The following PREP variants were observed in gnomAD, a reference collection of about 807,000 sequenced individuals.
The protein encoded by PREP is dJ355L5.1 (prolyl endopeptidase).
In PREP, 29 loss-of-function variants were observed where a neutral mutation model predicts 87.6. The observed-to-expected ratio is 0.33, with a 90% CI of 0.25 to 0.45. The LOEUF is 0.45. Ranked by LOEUF, PREP falls within the 20% of genes least tolerant of loss-of-function variation. The pLI, the probability that PREP is intolerant of heterozygous loss-of-function variation, is 1.00. For missense variants in PREP, 695 were observed against 886.5 expected (o/e 0.78, Z 2.74); for synonymous variants, 337 against 328.6 (o/e 1.03, Z -0.28).
chr6:105,369,409 T>C (rs1029990191), intron 5 of PREP, among the ~76,000 whole-genome samples: 2 of 152,244 alleles, frequency 1.3e-5, no homozygotes, highest in Non-Finnish European at 2.9e-5. Context: ...ACAGATTTAA[T>C]GAAATCCCAA....
intron 10 of PREP, among the ~76,000 whole-genome samples, chr6:105,309,122 G>C (rs978414707): frequency 9.2e-5 from 14 of 152,096 alleles, no homozygotes; most frequent in Non-Finnish European, 1.9e-4. Context: ...GTGAGGGAGA[G>C]GGCAGGGGCC....
At chr6:105,356,818 A>G (rs527877442) in intron 6 of PREP, among the ~76,000 whole-genome samples, 2 of 152,360 alleles carry the variant, frequency 1.3e-5, no homozygotes, top group Admixed American at 6.5e-5. Flanking sequence ...CATCATGTCC[A>G]GAAGCAAAAA....
intron 7 of PREP, among the ~76,000 whole-genome samples, chr6:105,334,282 C>A (rs1317885908): frequency 6.6e-6 from 1 of 152,256 alleles, no homozygotes; most frequent in Non-Finnish European, 1.5e-5. Context: ...ACTTAGCCAA[C>A]TGCAGATGGT....
chr6:105,297,398 A>C (rs1770432142), intron 10 of PREP, among the ~76,000 whole-genome samples: 1 of 152,218 alleles, frequency 6.6e-6, no homozygotes, highest in Non-Finnish European at 1.5e-5. Flanking sequence ...TCTATATAAC[A>C]GCCATTAGTG....
At chr6:105,318,558 T>C (rs1384944932) in intron 10 of PREP, among the ~76,000 whole-genome samples, 1 of 152,178 alleles carries the variant, frequency 6.6e-6, no homozygotes, top group Non-Finnish European at 1.5e-5. Context: ...ACTCTGAATA[T>C]GAACACTACG....
At chr6:105,279,050 C>T (rs1373388163) in intron 14 of PREP, 1 of 152,054 alleles carries the variant, frequency 6.6e-6, no homozygotes, top group African/African-American at 2.4e-5. Context: ...GAGGAGGGCA[C>T]CTTCCGAAGT....
At chr6:105,372,600 GAAC>G (rs1772589828) in intron 5 of PREP, among the ~76,000 whole-genome samples, 1 of 152,108 alleles carries the variant, frequency 6.6e-6, no homozygotes. Context: ...TTAAAGAGAA[GAAC>G]AATAAAGGTG....
intron 10 of PREP, among the ~76,000 whole-genome samples, chr6:105,291,866 C>G (rs1770303821): frequency 6.6e-6 from 1 of 152,180 alleles, no homozygotes; most frequent in Admixed American, 6.5e-5. Flanking sequence ...CCTTTGTTGT[C>G]ATTTTAACAA....
At chr6:105,305,716 C>CT (rs1770640356) in intron 10 of PREP, among the ~76,000 whole-genome samples, 1 of 152,114 alleles carries the variant, frequency 6.6e-6, no homozygotes, top group South Asian at 2.1e-4. Flanking sequence ...TCATATATAT[C>CT]TTTTTTGACA....
At chr6:105,302,970 A>G in intron 10 of PREP, 1 of 189,158 alleles carries the variant, frequency 5.3e-6, no homozygotes, top group South Asian at 8.8e-5. Context: ...GCCTGCCTGC[A>G]CAGGGGCCTT....
chr6:105,308,863 G>A (rs1770702471), intron 10 of PREP, among the ~76,000 whole-genome samples: 1 of 152,128 alleles, frequency 6.6e-6, no homozygotes, highest in Non-Finnish European at 1.5e-5. Context: ...GTCAGCTGGT[G>A]ATGAGTGCAA....
intron 2 of PREP, among the ~76,000 whole-genome samples, chr6:105,395,892 T>A (rs1457541491): frequency 6.6e-6 from 1 of 152,246 alleles, no homozygotes. Context: ...TCCCTGGTGC[T>A]TTCTAGCCAG....
At chr6:105,341,963 G>A (rs6906349) in intron 7 of PREP, among the ~76,000 whole-genome samples, 19,075 of 152,138 alleles carry the variant, frequency 0.13, 2,025 homozygotes, top group African/African-American at 0.29. Flanking sequence ...GTACAAAGAG[G>A]AGCTGGTACC....
At chr6:105,335,086 T>TC (rs1399412994) in intron 7 of PREP, among the ~76,000 whole-genome samples, 1 of 152,180 alleles carries the variant, frequency 6.6e-6, no homozygotes, top group Non-Finnish European at 1.5e-5. Flanking sequence ...AAGTAAATCT[T>TC]CAATACGTCC....
At chr6:105,294,050 G>C (rs1301777565) in intron 10 of PREP, among the ~76,000 whole-genome samples, 1 of 152,100 alleles carries the variant, frequency 6.6e-6, no homozygotes, top group Non-Finnish European at 1.5e-5. Flanking sequence ...AATTTGCTGG[G>C]TCAGGAGAAG....
chr6:105,294,161 T>A (rs1770359327), intron 10 of PREP, among the ~76,000 whole-genome samples: 1 of 152,228 alleles, frequency 6.6e-6, no homozygotes, highest in African/African-American at 2.4e-5. Flanking sequence ...TGACTGGGCC[T>A]ACATATCTGT....
rs935343202 is a variant in PREP at position 105,274,302 on chromosome 6, G to T, written c.*3842C>A. On this transcript the variant is annotated 3_prime_UTR_variant, in exon 15 of 15. Transcript: ENST00000652536. ...ACATGGTGGAAGGGATGGGGCGGGG[G>T]GGTCTCTCCTTGGGCTCTAATATAA... 6.6e-6 allele frequency among the ~76,000 whole-genome samples: 1 copy of T among 151,934 alleles called. No homozygotes were observed. The highest frequency in any genetic ancestry group is 1.5e-5 in the Non-Finnish European group (1 of 67,992).
At chr6:105,323,463 T>G (rs1287902586) in intron 10 of PREP, among the ~76,000 whole-genome samples, 1 of 152,140 alleles carries the variant, frequency 6.6e-6, no homozygotes. Flanking sequence ...GAGCAGAACC[T>G]GCAGGCTATG....
chr6:105,362,432 G>A (rs1434213139), intron 6 of PREP, among the ~76,000 whole-genome samples: 1 of 152,230 alleles, frequency 6.6e-6, no homozygotes, highest in Non-Finnish European at 1.5e-5. Context: ...CTGCACTCCA[G>A]CCTGGGCGAC....
Sources: allele counts gnomAD v4.1 joint callset (sites outside exome capture counted in the v4.1 genomes callset), GRCh38; gene constraint gnomAD v4.1.1; transcripts MANE v1.5; gene names NCBI Gene and HGNC (gene_info 2026-07-23, HGNC 2026-07-21).